The following ADAMTS16 variants were observed in gnomAD, a reference collection of about 807,000 sequenced individuals.
ADAMTS16 encodes A disintegrin and metalloproteinase with thrombospondin motifs 16.
A neutral mutation model predicts 145.8 loss-of-function variants in ADAMTS16; 94 were observed. The ratio of observed to expected loss-of-function variants is 0.64; its 90% CI spans 0.55 to 0.77. The LOEUF is 0.77. Ranked by LOEUF, ADAMTS16 falls within the 30% of genes least tolerant of loss-of-function variation. The pLI is 0.00. For missense variants in ADAMTS16, 1,585 were observed against 1,591.5 expected (o/e 1.00, Z 0.07); for synonymous variants, 659 against 604.3 (o/e 1.09, Z -1.33).
Position 5,253,833 on chromosome 5 carries a change from T to C in ADAMTS16, c.2663-8824T>C, listed in dbSNP as rs867431285. On this transcript the variant is annotated intron_variant, in intron 17 of 22. Transcript: ENST00000274181. The stretch of plus-strand genomic sequence containing the variant: ...CACTGCTCCCTTGAAACTTCTTTCC[T>C]CTGGACTTCCAAGACCTGTTTATTC... Among the ~76,000 whole-genome samples, 5 of 152,204 alleles carry C rather than the reference T, an allele frequency of 3.3e-5. 1 individual carries two copies. In the East Asian group the frequency reaches 5.8e-4, roughly 18 times the overall value.
At chr5:5,167,625 CT>C (rs1734917485) in intron 3 of ADAMTS16, among the ~76,000 whole-genome samples, 1 of 152,200 alleles carries the variant, frequency 6.6e-6, no homozygotes, top group Non-Finnish European at 1.5e-5. Context: ...TAAATTGCCC[CT>C]AACTGGGCTA....
chr5:5,240,368 C>T (rs1056871590), intron 16 of ADAMTS16, among the ~76,000 whole-genome samples: 77 of 152,290 alleles, frequency 5.1e-4, no homozygotes, highest in African/African-American at 1.6e-3. Flanking sequence ...TTGACCTTGG[C>T]GGGCCACAGC....
chr5:5,202,006 C>T (rs931975028), intron 9 of ADAMTS16, among the ~76,000 whole-genome samples: 2 of 151,936 alleles, frequency 1.3e-5, no homozygotes, highest in Non-Finnish European at 1.5e-5. Flanking sequence ...ATTTCTAAGA[C>T]ACTATTTGAG....
At chr5:5,140,839 A>C (rs1398165325) in intron 2 of ADAMTS16, 73 bp downstream of exon 2, 1 of 1,390,666 alleles carries the variant, frequency 7.2e-7, no homozygotes, top group East Asian at 2.7e-5. Context: ...CTGGTTTATT[A>C]GGTGCTGTGA....
At chr5:5,288,648 G>A (rs10512783) in intron 18 of ADAMTS16, among the ~76,000 whole-genome samples, 128,946 of 152,242 alleles carry the variant, frequency 0.85, 55,040 homozygotes, top group Non-Finnish European at 0.89. Flanking sequence ...ATAAATTGCC[G>A]TTGTCCAGTT....
intron 9 of ADAMTS16, among the ~76,000 whole-genome samples, chr5:5,208,529 T>C (rs1736189761): frequency 6.6e-6 from 1 of 152,356 alleles, no homozygotes; most frequent in Middle Eastern, 3.4e-3. Context: ...GTTAATTTTC[T>C]GCTTGACTTG....
chr5:5,227,340 A>G (rs1736796341), intron 11 of ADAMTS16, among the ~76,000 whole-genome samples: 1 of 152,238 alleles, frequency 6.6e-6, no homozygotes, highest in East Asian at 1.9e-4. Flanking sequence ...AGCCTTTTTC[A>G]TAAGTCATCG....
chr5:5,278,042 A>G (rs984427400), intron 18 of ADAMTS16, among the ~76,000 whole-genome samples: 1 of 152,210 alleles, frequency 6.6e-6, no homozygotes, highest in Non-Finnish European at 1.5e-5. Context: ...AATTGTTAAA[A>G]TTGAACATTT....
At chr5:5,176,101 C>G (rs1735188963) in intron 3 of ADAMTS16, 1 of 152,264 alleles carries the variant, frequency 6.6e-6, no homozygotes, top group South Asian at 2.1e-4. Flanking sequence ...CCATCTGGCT[C>G]TGCCTTCTTA....
chr5:5,235,112 C>T lies in ADAMTS16; in HGVS notation c.1949C>T (p.Ala650Val). The T allele has an allele frequency of 6.2e-7, 1 of 1,604,930 alleles. No individual in the cohort carries two copies. The highest frequency in any genetic ancestry group is 8.5e-7 in the Non-Finnish European group (1 of 1,172,458). The change falls in exon 13 of 23, where the codon GCT becomes GTT. Residue 650 changes from alanine to valine, a missense_variant. Coordinates refer to ENST00000274181, the MANE Select transcript of ADAMTS16 (RefSeq NM_139056.4). ...CPRDSVDFRA[A>V]QCAEHNSRRF... ...CGGGACAGTGTTGACTTCCGTGCTG[C>T]TCAGTGTGCCGAGCACAACAGCAGA...
rs141456167 is a variant in ADAMTS16, at chr5:5,235,865, C to T, written c.2023+679C>T. On this transcript the variant is annotated intron_variant, in intron 13 of 22. Coordinates refer to ENST00000274181, the MANE Select transcript of ADAMTS16 (RefSeq NM_139056.4). ...GCCCTTTGGATGTACATAAGTGGGACGTCCCATCTGACATTCCCATTCATC... is the reference window on the plus strand; with the variant it reads ...GCCCTTTGGATGTACATAAGTGGGATGTCCCATCTGACATTCCCATTCATC... Among the ~76,000 whole-genome samples the T allele has an allele frequency of 3.3e-5, 5 of 152,294 alleles. No homozygotes were observed. The East Asian group carries it at 7.7e-4, about 24-fold the overall frequency.
At chr5:5,220,156 C>CT (rs11323873) in intron 10 of ADAMTS16, among the ~76,000 whole-genome samples, 3,472 of 118,252 alleles carry the variant, frequency 0.029, 181 homozygotes, top group African/African-American at 0.096. Context: ...AATAATTTAA[C>CT]TTTTTTTTTT....
chr5:5,286,806 C>T (rs950145467), intron 18 of ADAMTS16, among the ~76,000 whole-genome samples: 10 of 140,738 alleles, frequency 7.1e-5, no homozygotes, highest in Admixed American at 3.1e-4. Flanking sequence ...TGCAGTGAGC[C>T]GAGATAGTGC....
Position 5,242,055 on chromosome 5 carries a change from G to C in ADAMTS16, c.2526G>C (p.Leu842=). 6.2e-7 allele frequency: 1 copy of C among 1,613,772 alleles called. No individual in the cohort carries two copies. The highest frequency in any genetic ancestry group is 1.7e-5 in the Admixed American group (1 of 59,974). The part of the protein sequence containing the change: ...GPTNETLIVE[L]LFQGRNPGVA... The stretch of plus-strand genomic sequence containing the variant: ...TTTTCCCCTTTCTTATTTTGTAGCT[G>C]CTGTTTCAGGGAAGGAACCCGGGTG... The change falls in exon 17 of 23, where the codon CTG becomes CTC. Residue 842 remains leucine (L), a splice_region_variant and synonymous_variant. Coordinates refer to ENST00000274181, the MANE Select transcript of ADAMTS16 (RefSeq NM_139056.4).
chr5:5,173,587 C>T (rs547613170), intron 3 of ADAMTS16, among the ~76,000 whole-genome samples: 13 of 152,134 alleles, frequency 8.5e-5, no homozygotes, highest in African/African-American at 2.9e-4. Context: ...CATTCTCCTG[C>T]CTCAGCCTCC....
At chr5:5,191,829 T>C in intron 8 of ADAMTS16, 39 bp downstream of exon 8, 1 of 1,472,902 alleles carries the variant, frequency 6.8e-7, no homozygotes, top group Non-Finnish European at 9.4e-7. Flanking sequence ...TCCCGAGTTT[T>C]TTCCTTACTG....
chr5:5,200,065 A>G, intron 8 of ADAMTS16, 67 bp from the exon 9 acceptor site: 1 of 1,502,752 alleles, frequency 6.7e-7, no homozygotes, highest in Non-Finnish European at 8.9e-7. Flanking sequence ...TAATTGTTAG[A>G]GGGTATCAGA....
intron 11 of ADAMTS16, among the ~76,000 whole-genome samples, chr5:5,226,945 T>C (rs896737743): frequency 1.3e-5 from 2 of 152,206 alleles, no homozygotes; most frequent in African/African-American, 4.8e-5. Flanking sequence ...CTGAAATGCG[T>C]ATCTGATGGA....
At chr5:5,274,887 CAG>C (rs1264810410) in intron 18 of ADAMTS16, among the ~76,000 whole-genome samples, 4 of 152,154 alleles carry the variant, frequency 2.6e-5, no homozygotes, top group Admixed American at 1.3e-4. Flanking sequence ...TTCTGGGACT[CAG>C]TGTGGTTGGC....
Sources: gnomAD v4.1 joint callset for allele counts (sites outside exome capture counted in the v4.1 genomes callset) on GRCh38, gnomAD v4.1.1 for gene constraint, MANE v1.5 for transcripts, NCBI Gene and HGNC (gene_info 2026-07-23, HGNC 2026-07-21) for gene names.